The following ATXN2 variants were observed in gnomAD, a reference collection of about 807,000 sequenced individuals.
ATXN2 encodes ataxin-2.
ATXN2 carries 37 observed loss-of-function variants against 138.6 expected under a neutral mutation model. That is an observed-to-expected ratio of 0.27 (90% CI 0.21 to 0.35). ATXN2 has a LOEUF of 0.35. ATXN2 is among the 10% of genes least tolerant of loss of function. The pLI, the probability that ATXN2 is intolerant of heterozygous loss-of-function variation, is 1.00. For missense variants in ATXN2, 1,216 were observed against 1,480.3 expected (o/e 0.82, Z 2.93); for synonymous variants, 549 against 543.7 (o/e 1.01, Z -0.13).
At chr12:111,498,421 A>G (rs922734349) in intron 14 of ATXN2, among the ~76,000 whole-genome samples, 1 of 152,214 alleles carries the variant, frequency 6.6e-6, no homozygotes, top group Non-Finnish European at 1.5e-5. Flanking sequence ...GCATTTTTAT[A>G]TTTAACAGCA....
At chr12:111,586,021 C>A (rs1884308708) in intron 1 of ATXN2, among the ~76,000 whole-genome samples, 2 of 151,880 alleles carry the variant, frequency 1.3e-5, no homozygotes, top group African/African-American at 4.8e-5. Context: ...CTCAGCCTCC[C>A]AAGTAGCTGA....
At chr12:111,517,054 A>G (rs1197712605) in intron 9 of ATXN2, among the ~76,000 whole-genome samples, 2 of 152,190 alleles carry the variant, frequency 1.3e-5, no homozygotes, top group Non-Finnish European at 2.9e-5. Context: ...AATAATTTAT[A>G]CAGTTAAACA....
At chr12:111,509,684 G>A in intron 13 of ATXN2, 65 bp from the exon 14 acceptor site, 1 of 1,009,848 alleles carries the variant, frequency 9.9e-7, no homozygotes, top group South Asian at 1.5e-5. Flanking sequence ...ATTCTTTTTA[G>A]TATGAGATGA....
Position 111,509,873 on chromosome 12 carries a change from G to T in ATXN2, c.1864+18C>A. Reference sequence around the variant, plus strand: ...TCCTATTCCTACAGTTAAGCTTAATGACTCTTTAAACTCTAACCTTTGTTT... The same window carrying T: ...TCCTATTCCTACAGTTAAGCTTAATTACTCTTTAAACTCTAACCTTTGTTT... On this transcript the variant is annotated intron_variant, in intron 13 of 24. Coordinates refer to ENST00000673436, the MANE Select transcript of ATXN2 (RefSeq NM_001372574.1). The T allele has an allele frequency of 1.3e-6, 2 of 1,546,810 alleles. No individual in the cohort carries two copies. Among genetic ancestry groups the T allele is most frequent in the South Asian group, 1.1e-5 (1 of 88,454 alleles).
chr12:111,590,963 A>G (rs984221234), intron 1 of ATXN2, among the ~76,000 whole-genome samples: 1 of 151,632 alleles, frequency 6.6e-6, no homozygotes, highest in Non-Finnish European at 1.5e-5. Context: ...ATCTCAGCTC[A>G]CTGCAAGCTC....
chr12:111,494,125 T>A (rs1362845023), intron 14 of ATXN2, among the ~76,000 whole-genome samples: 1 of 152,042 alleles, frequency 6.6e-6, no homozygotes, highest in African/African-American at 2.4e-5. Context: ...AGAGGGGGTT[T>A]TGCCATATTG....
chr12:111,457,824 G>C (rs1319758785), intron 21 of ATXN2: 1 of 153,798 alleles, frequency 6.5e-6, no homozygotes, highest in Non-Finnish European at 1.5e-5. Flanking sequence ...ATGGTATGTG[G>C]CAAGGCCAGG....
At chr12:111,556,338 T>C (rs1264198141) in intron 1 of ATXN2, among the ~76,000 whole-genome samples, 1 of 152,130 alleles carries the variant, frequency 6.6e-6, no homozygotes, top group Non-Finnish European at 1.5e-5. Context: ...ATCATTCCAC[T>C]GCAGTCTAGC....
At chr12:111,504,677 G>C (rs1289789256) in intron 14 of ATXN2, among the ~76,000 whole-genome samples, 1 of 151,980 alleles carries the variant, frequency 6.6e-6, no homozygotes, top group African/African-American at 2.4e-5. Context: ...AGTAAAAATG[G>C]TTATAAGTGT....
intron 14 of ATXN2, among the ~76,000 whole-genome samples, chr12:111,495,932 T>C (rs1878395019): frequency 6.7e-6 from 1 of 149,506 alleles, no homozygotes. Flanking sequence ...TTGCTTGAGC[T>C]CAGGAGTTCG....
chr12:111,473,578 T>C (rs1876573413), intron 18 of ATXN2, among the ~76,000 whole-genome samples: 2 of 152,244 alleles, frequency 1.3e-5, no homozygotes, highest in South Asian at 4.1e-4. Flanking sequence ...AGGAAATAAC[T>C]GATCTTGGGC....
rs1014318174 is a variant in ATXN2, at chr12:111,526,052, T to C, written c.572-736A>G. On this transcript the variant is annotated intron_variant, in intron 5 of 24. Transcript: ENST00000673436. ...ATTACAGGTAATTACTCTGCATGTC[T>C]CAGAAGTGACCAAGAAAATTTCTGG... 3.9e-5 allele frequency among the ~76,000 whole-genome samples: 6 copies of C among 151,910 alleles called. 1 individual carries two copies. In the East Asian group the frequency reaches 1.2e-3, roughly 30 times the overall value.
chr12:111,596,423 G>A (rs1884944851), intron 1 of ATXN2, among the ~76,000 whole-genome samples: 1 of 152,044 alleles, frequency 6.6e-6, no homozygotes, highest in African/African-American at 2.4e-5. Context: ...TAAAGCAGAT[G>A]TGAATTTCCA....
At chr12:111,585,428 G>A (rs1451034223) in intron 1 of ATXN2, among the ~76,000 whole-genome samples, 3 of 151,572 alleles carry the variant, frequency 2.0e-5, no homozygotes, top group Non-Finnish European at 4.4e-5. Context: ...CAGGAAAATC[G>A]CTAGAAGCTG....
chr12:111,599,148 G>T lies in ATXN2; in HGVS notation c.-114C>A, dbSNP rs1338880349. ...GCGCGGGCGCCGAGCGGGGAGGCGC[G>T]GGTTGGCGCGGCCGGAGGGGCGCCC... On this transcript the variant is annotated 5_prime_UTR_variant, in exon 1 of 25. Transcript: ENST00000673436. The T allele has an allele frequency of 1.6e-6, 2 of 1,212,958 alleles. No individual in the cohort carries two copies. The highest frequency in any genetic ancestry group is 2.0e-6 in the Non-Finnish European group (2 of 976,736). The allele number at this position is 1,212,958 out of a possible 1,614,324, so 75.1% of individuals were successfully genotyped here.
intron 1 of ATXN2, among the ~76,000 whole-genome samples, chr12:111,596,899 T>C (rs1030326257): frequency 2.0e-5 from 3 of 152,174 alleles, no homozygotes; most frequent in Non-Finnish European, 2.9e-5. Context: ...TAGTAGTCAA[T>C]GCAACTTAAT....
At position 111,516,557 on chromosome 12, in the gene ATXN2, T is replaced by G. The variant is rs531377227; in HGVS notation, c.1166-194A>C. Among the ~76,000 whole-genome samples, 1 of 152,314 alleles carries G rather than the reference T, an allele frequency of 6.6e-6. No individual in the cohort carries two copies. Among genetic ancestry groups the G allele is most frequent in the South Asian group, 2.1e-4 (1 of 4,824 alleles). On this transcript the variant is annotated intron_variant, in intron 9 of 24. Transcript: ENST00000673436. The surrounding 1 kb of genome is among the most constrained non-coding windows in gnomAD (Gnocchi z 5.0). ...AATTCACATTTTACTTTAACCTCCT[T>G]AAGATTAAGTCTGTTTAAATGAATA... is the stretch of plus-strand genomic sequence containing the variant.
rs535021161 is a variant in ATXN2, at chr12:111,585,731, G to A, written c.251+13053C>T. Among the ~76,000 whole-genome samples, 5 of 149,702 alleles carry A rather than the reference G, an allele frequency of 3.3e-5. No individual in the cohort carries two copies. The South Asian group carries it at 1.1e-3, about 32-fold the overall frequency. ...GCAGGAGAACTGCTTGAACCTGGGA[G>A]GCGGAACTACAGTGAGCAGAGATGG... On this transcript the variant is annotated intron_variant, in intron 1 of 24. Transcript: ENST00000673436.
intron 10 of ATXN2, 50 bp from the exon 11 acceptor site, chr12:111,513,589 AC>A (rs1566035612): frequency 1.3e-6 from 2 of 1,537,736 alleles, no homozygotes; most frequent in African/African-American, 1.4e-5. Context: ...ATTCATCAGT[AC>A]TACTTTTCTG....
Sources: gnomAD v4.1 joint callset for allele counts (sites outside exome capture counted in the v4.1 genomes callset) on GRCh38, gnomAD v4.1.1 for gene constraint, Gnocchi (gnomAD v3.1) non-coding constraint, MANE v1.5 for transcripts, NCBI Gene and HGNC (gene_info 2026-07-23, HGNC 2026-07-21) for gene names.